The following KANK1 variants were observed in gnomAD, a reference collection of about 807,000 sequenced individuals.
The protein encoded by KANK1 is KN motif and ankyrin repeat domain-containing protein 1.
A neutral mutation model predicts 106.2 loss-of-function variants in KANK1; 109 were observed. The ratio of observed to expected loss-of-function variants is 1.03; its 90% confidence interval spans 0.88 to 1.20. The LOEUF (loss-of-function observed/expected upper bound fraction) is 1.20. Ranked by LOEUF, KANK1 falls within the 50% of genes most tolerant of loss-of-function variation. The pLI is 0.00. For missense variants in KANK1, 2,399 were observed against 1,710.7 expected (o/e 1.40, Z -7.10); for synonymous variants, 873 against 652.2 (o/e 1.34, Z -5.16).
Position 635,568 on chromosome 9 carries a change from A to G in KANK1, c.-83-41322A>G, listed in dbSNP as rs1290689428. Among the ~76,000 whole-genome samples, 6 of 152,320 alleles carry G rather than the reference A, an allele frequency of 3.9e-5. No individual in the cohort carries two copies. In the South Asian group the frequency reaches 6.2e-4, roughly 16 times the overall value. ...GACTGGAGCTAGTCTTCAAAATGGA[A>G]TAATAGTGTTCCCTTTTTATTATTA... is the stretch of plus-strand genomic sequence containing the variant. On this transcript the variant is annotated intron_variant, in intron 1 of 11. Transcript: ENST00000382297.
intron 1 of KANK1, among the ~76,000 whole-genome samples, chr9:648,524 G>C (rs568263845): frequency 6.6e-6 from 1 of 152,104 alleles, no homozygotes; most frequent in South Asian, 2.1e-4. Context: ...AAATAATTTT[G>C]AACATTGGGT....
At position 727,710 on chromosome 9, in the gene KANK1, GTGTGTGTA is replaced by G. The variant is rs1263891367; in HGVS notation, c.2699-2333_2699-2326del. Reference sequence around the variant, plus strand: ...TGTGTGTGTGTGTGTGTGTGTGTGTGTGTGTGTATGTGTGTGTGTGGTAATGTATTTTA... The same window carrying G: ...TGTGTGTGTGTGTGTGTGTGTGTGTGTGTGTGTGTGTGGTAATGTATTTTA... On this transcript the variant is annotated intron_variant, in intron 3 of 11. Transcript: ENST00000382297. Among the ~76,000 whole-genome samples, 157 of 151,814 alleles carry G rather than the reference GTGTGTGTA, an allele frequency of 1.0e-3. 1 individual carries two copies. The highest frequency in any genetic ancestry group is 3.2e-3 in the African/African-American group (131 of 41,344).
upstream of KANK1, among the ~76,000 whole-genome samples, chr9:502,777 C>T (rs1198935454): frequency 2.6e-5 from 4 of 152,084 alleles, no homozygotes; most frequent in South Asian, 2.1e-4. Context: ...CCACCCATCT[C>T]GGCCTCACAA....
intron 2 of KANK1, among the ~76,000 whole-genome samples, chr9:682,378 T>C (rs1049621917): frequency 6.6e-6 from 1 of 152,170 alleles, no homozygotes; most frequent in African/African-American, 2.4e-5. Context: ...CTAGGTCTTA[T>C]TTTTAGTATT....
intron 1 of KANK1, among the ~76,000 whole-genome samples, chr9:607,843 G>C (rs1043690759): frequency 3.3e-5 from 5 of 151,648 alleles, no homozygotes; most frequent in African/African-American, 1.2e-4. Context: ...GGTAAAATTA[G>C]GCCAATCTTT....
chr9:634,558 T>A (rs1435340009), intron 1 of KANK1, among the ~76,000 whole-genome samples: 1 of 152,196 alleles, frequency 6.6e-6, no homozygotes, highest in Middle Eastern at 3.2e-3. Context: ...GTTAGCAGAA[T>A]TCAGGCCCCT....
chr9:481,397 G>A (rs557894462), intron 3 of KANK1, among the ~76,000 whole-genome samples: 2 of 152,278 alleles, frequency 1.3e-5, no homozygotes, highest in African/African-American at 4.8e-5. Flanking sequence ...TCCTGGACTA[G>A]CAAATCCTTA....
rs1587810327 is a variant in KANK1 at position 559,426 on chromosome 9, A to G, written c.-84+54672A>G. Among the ~76,000 whole-genome samples, 4 of 151,840 alleles carry G rather than the reference A, an allele frequency of 2.6e-5. No individual in the cohort carries two copies. In the South Asian group the frequency reaches 6.2e-4, roughly 24 times the overall value. On this transcript the variant is annotated intron_variant, in intron 1 of 11. Coordinates refer to ENST00000382297, the MANE Select transcript of KANK1 (RefSeq NM_015158.5). Reference sequence around the variant, plus strand: ...TAAAAAAAAAAAGTAGGTAAAAGTGATGGATGCTTAGGCTGAGGGTGGTGA... The same window carrying G: ...TAAAAAAAAAAAGTAGGTAAAAGTGGTGGATGCTTAGGCTGAGGGTGGTGA...
intron 2 of KANK1, chr9:685,573 TG>T (rs1178655610): frequency 6.6e-6 from 1 of 152,196 alleles, no homozygotes; most frequent in Non-Finnish European, 1.5e-5. Flanking sequence ...CCCTCCCAAC[TG>T]GATCAGAGGT....
At chr9:609,457 A>G (rs539915643) in intron 1 of KANK1, among the ~76,000 whole-genome samples, 1 of 152,134 alleles carries the variant, frequency 6.6e-6, no homozygotes, top group East Asian at 1.9e-4. Flanking sequence ...GTGAAACCCC[A>G]TCTCTACTAA....
intron 3 of KANK1, among the ~76,000 whole-genome samples, chr9:728,692 T>C (rs1350828213): frequency 1.3e-5 from 2 of 152,228 alleles, no homozygotes; most frequent in African/African-American, 2.4e-5. Flanking sequence ...ACCATCTATG[T>C]AGATGAAGCC....
chr9:543,506 T>A (rs2060736221), intron 1 of KANK1, among the ~76,000 whole-genome samples: 1 of 144,468 alleles, frequency 6.9e-6, no homozygotes, highest in Non-Finnish European at 1.5e-5. Context: ...TTGCAGTGAA[T>A]CAAGATCACA....
intron 3 of KANK1, among the ~76,000 whole-genome samples, chr9:480,398 T>A (rs1367204579): frequency 6.6e-6 from 1 of 152,190 alleles, no homozygotes. Context: ...AAGGGGAATG[T>A]TTACCAAGAA....
At chr9:634,364 C>T (rs1400823110) in intron 1 of KANK1, among the ~76,000 whole-genome samples, 1 of 152,112 alleles carries the variant, frequency 6.6e-6, no homozygotes, top group Non-Finnish European at 1.5e-5. Flanking sequence ...AGTTATGAGT[C>T]CTGGCTCCCG....
chr9:644,610 C>T (rs1167555722), intron 1 of KANK1, among the ~76,000 whole-genome samples: 1 of 150,688 alleles, frequency 6.6e-6, no homozygotes, highest in African/African-American at 2.5e-5. Flanking sequence ...CACTGACTCA[C>T]TGTCACCAGA....
intron 1 of KANK1, among the ~76,000 whole-genome samples, chr9:517,022 C>G (rs2059310784): frequency 6.6e-6 from 1 of 151,552 alleles, no homozygotes; most frequent in South Asian, 2.1e-4. Flanking sequence ...CACACACACA[C>G]ACACATCCGT....
intron 1 of KANK1, among the ~76,000 whole-genome samples, chr9:542,586 A>C (rs1563741470): frequency 6.6e-6 from 1 of 152,254 alleles, no homozygotes; most frequent in East Asian, 1.9e-4. Context: ...TTGAAATCAA[A>C]GAGATACCTG....
At chr9:481,718 T>C (rs2058208242) in intron 3 of KANK1, among the ~76,000 whole-genome samples, 1 of 152,028 alleles carries the variant, frequency 6.6e-6, no homozygotes, top group South Asian at 2.1e-4. Context: ...CAAATAGGTC[T>C]GACATAGTGG....
chr9:744,449 T>C, intron 10 of KANK1, 42 bp from the exon 11 acceptor site: 2 of 1,588,332 alleles, frequency 1.3e-6, no homozygotes, highest in Non-Finnish European at 1.7e-6. Flanking sequence ...TCTGGAGGTT[T>C]GAGAAACCCA....
Sources: allele counts gnomAD v4.1 joint callset (sites outside exome capture counted in the v4.1 genomes callset), GRCh38; gene constraint gnomAD v4.1.1; transcripts MANE v1.5; gene names NCBI Gene and HGNC (gene_info 2026-07-23, HGNC 2026-07-21).